The following RNF4 variants were observed in gnomAD, a reference collection of about 807,000 sequenced individuals.
RNF4 encodes the protein ring finger protein 4.
Under a neutral mutation model 24.3 loss-of-function variants are expected in RNF4, and 7 were observed. The ratio of observed to expected loss-of-function variants is 0.29; its 90% CI spans 0.16 to 0.54. RNF4 has a LOEUF of 0.54. Among genes scored for constraint, RNF4 ranks in the 20% least tolerant of loss-of-function variants. RNF4 has a pLI of 0.95. For synonymous variants in RNF4, 83 were observed against 84.3 expected, an observed-to-expected ratio of 0.98 and a Z score of 0.09; for missense variants, 209 against 248.5, an observed-to-expected ratio of 0.84 and a Z score of 1.07.
chr4:2,476,319 C>T (rs112769602), intron 1 of RNF4, among the ~76,000 whole-genome samples: 1 of 152,204 alleles, frequency 6.6e-6, no homozygotes, highest in Non-Finnish European at 1.5e-5. Flanking sequence ...CCTACTCTTG[C>T]AAGTTGAAAA....
chr4:2,509,909 C>A (rs1347430232), intron 4 of RNF4, among the ~76,000 whole-genome samples: 2 of 152,278 alleles, frequency 1.3e-5, no homozygotes, highest in South Asian at 4.1e-4. Flanking sequence ...GAAGAATTTG[C>A]TTTTGCTCCC....
intron 2 of RNF4, among the ~76,000 whole-genome samples, chr4:2,492,889 C>T (rs949294608): frequency 2.0e-5 from 3 of 152,192 alleles, no homozygotes; most frequent in African/African-American, 7.2e-5. Context: ...ACAGGCAAAA[C>T]AATGTAGCCT....
In RNF4 at chr4:2,505,494, T is replaced by G. The variant is rs1434110741; in HGVS notation, c.204+4756T>G. The G allele has an allele frequency of 2.0e-5, 3 of 150,688 alleles. No individual in the cohort carries two copies. The East Asian group carries it at 5.9e-4, about 29-fold the overall frequency. The allele number at this position is 150,688 out of a possible 1,614,324, so 9.3% of individuals were successfully genotyped here. ...GTGCCCGCCACCACACCCGGCTAATTTTTTGTATTTTTAGTAGAGACGGGG... is the reference window on the plus strand; with the variant it reads ...GTGCCCGCCACCACACCCGGCTAATGTTTTGTATTTTTAGTAGAGACGGGG... On this transcript the variant is annotated intron_variant, in intron 4 of 7. Transcript: ENST00000314289.
At chr4:2,483,095 C>G (rs966706600) in intron 1 of RNF4, among the ~76,000 whole-genome samples, 1 of 152,194 alleles carries the variant, frequency 6.6e-6, no homozygotes. Context: ...CTATTTATTA[C>G]TTGATTTGTT....
intron 1 of RNF4, among the ~76,000 whole-genome samples, chr4:2,472,236 G>A (rs1706457833): frequency 6.6e-6 from 1 of 152,138 alleles, no homozygotes. Context: ...AGGAAAGCCT[G>A]TATAGTAGCA....
At chr4:2,506,705 C>A (rs530499328) in intron 4 of RNF4, among the ~76,000 whole-genome samples, 2 of 152,060 alleles carry the variant, frequency 1.3e-5, no homozygotes, top group Admixed American at 6.6e-5. Context: ...GTAGCTGGGA[C>A]TATAGGGGTA....
At chr4:2,495,646 G>C (rs3860712) in intron 2 of RNF4, among the ~76,000 whole-genome samples, 6,826 of 148,422 alleles carry the variant, frequency 0.046, 225 homozygotes, top group South Asian at 0.13. Context: ...TTTTGGGGGG[G>C]GGTGAGATGG....
At chr4:2,513,340 C>T (rs554058900) in intron 7 of RNF4, among the ~76,000 whole-genome samples, 1 of 152,202 alleles carries the variant, frequency 6.6e-6, no homozygotes, top group African/African-American at 2.4e-5. Context: ...CCCCTATACT[C>T]CTGTATGCCC....
intron 1 of RNF4, among the ~76,000 whole-genome samples, chr4:2,477,734 T>G (rs1002610196): frequency 5.3e-5 from 8 of 152,218 alleles, no homozygotes; most frequent in South Asian, 2.1e-4. Flanking sequence ...TGGAACTGGC[T>G]TTTGTAAACT....
At chr4:2,487,150 G>A (rs948308962) in intron 1 of RNF4, among the ~76,000 whole-genome samples, 5 of 152,118 alleles carry the variant, frequency 3.3e-5, no homozygotes, top group Admixed American at 6.6e-5. Flanking sequence ...TTTGTGCTCC[G>A]GGCTGGAGTG....
intron 1 of RNF4, among the ~76,000 whole-genome samples, chr4:2,476,006 A>C (rs1322991736): frequency 6.6e-6 from 1 of 152,170 alleles, no homozygotes; most frequent in Non-Finnish European, 1.5e-5. Flanking sequence ...AAAACAAAAT[A>C]GTATCTTTAT....
chr4:2,510,089 G>A (rs188282950), intron 4 of RNF4, among the ~76,000 whole-genome samples: 72 of 152,298 alleles, frequency 4.7e-4, no homozygotes, highest in African/African-American at 1.5e-3. Context: ...CCTCTAAGAG[G>A]AAAGGGGAGC....
At chr4:2,508,607 TTTTTG>T (rs1391983812) in intron 4 of RNF4, among the ~76,000 whole-genome samples, 3 of 152,118 alleles carry the variant, frequency 2.0e-5, no homozygotes, top group Non-Finnish European at 4.4e-5. Context: ...TTGTTTTTTG[TTTTTG>T]TTTTGTTTTG....
intron 1 of RNF4, among the ~76,000 whole-genome samples, chr4:2,486,762 T>C (rs1415337631): frequency 1.3e-5 from 2 of 152,210 alleles, no homozygotes; most frequent in African/African-American, 4.8e-5. Context: ...AGGAACAGCC[T>C]GGGTGTGGAC....
Position 2,497,158 on chromosome 4 carries a change from A to G in RNF4, c.124+37A>G, listed in dbSNP as rs369245327. The G allele has an allele frequency of 3.3e-6, 5 of 1,496,160 alleles. No homozygotes were observed. The African/African-American group carries it at 5.5e-5, about 17-fold the overall frequency. The allele number at this position is 1,496,160 out of a possible 1,614,324, so 92.7% of individuals were successfully genotyped here. On this transcript the variant is annotated intron_variant, in intron 3 of 7. Coordinates refer to ENST00000314289, the MANE Select transcript of RNF4 (RefSeq NM_002938.5). Reference sequence around the variant, plus strand: ...AGGGACACTACAACTGTGGGGTGTTAAAGTGGAGAGAGAACACTGTACCAG... The same window carrying G: ...AGGGACACTACAACTGTGGGGTGTTGAAGTGGAGAGAGAACACTGTACCAG...
At chr4:2,486,384 G>A (rs1200286093) in intron 1 of RNF4, among the ~76,000 whole-genome samples, 3 of 152,052 alleles carry the variant, frequency 2.0e-5, no homozygotes, top group South Asian at 2.1e-4. Context: ...TCCCCACCAC[G>A]CTGGGATGCT....
intron 1 of RNF4, among the ~76,000 whole-genome samples, chr4:2,474,346 C>G (rs186200011): frequency 5.7e-4 from 85 of 150,358 alleles, no homozygotes; most frequent in Middle Eastern, 6.8e-3. Context: ...CCATTGCACT[C>G]CATCCAGCCT....
At chr4:2,490,774 A>G (rs1560405820) in intron 2 of RNF4, 6 of 370,786 alleles carry the variant, frequency 1.6e-5, no homozygotes, top group Non-Finnish European at 2.9e-5. Flanking sequence ...AACAGTTGTC[A>G]GTGTCATAGA....
In RNF4 at chr4:2,506,368, G is replaced by C. The variant is rs1023124873; in HGVS notation, c.205-5588G>C. 10 of 152,236 alleles carry C rather than the reference G, an allele frequency of 6.6e-5. 1 individual carries two copies. The highest frequency in any genetic ancestry group is 2.0e-4 in the Admixed American group (3 of 15,280). The allele number at this position is 152,236 out of a possible 1,614,324, so 9.4% of individuals were successfully genotyped here. On this transcript the variant is annotated intron_variant, in intron 4 of 7. Coordinates refer to ENST00000314289, the MANE Select transcript of RNF4 (RefSeq NM_002938.5). ...CCAGCTAATTTTTGTATTTTTAGGA[G>C]AGACGGTTTTGCCATGTTGACCAGG...
Sources: gnomAD v4.1 joint callset for allele counts (sites outside exome capture counted in the v4.1 genomes callset) on GRCh38, gnomAD v4.1.1 for gene constraint, MANE v1.5 for transcripts, NCBI Gene and HGNC (gene_info 2026-07-23, HGNC 2026-07-21) for gene names.